The following ZNF195 variants were observed in gnomAD, a reference collection of about 807,000 sequenced individuals.
The protein encoded by ZNF195 is zinc finger protein 195, also known as hypoxia-regulated factor-1.
A neutral mutation model predicts 19.5 loss-of-function variants in ZNF195; 11 were observed. The observed-to-expected ratio is 0.57, with a 90% CI of 0.36 to 0.94. The LOEUF (loss-of-function observed/expected upper bound fraction) is 0.94. Among genes scored for constraint, ZNF195 ranks in the 40% least tolerant of loss-of-function variants. The pLI, the probability that ZNF195 is intolerant of heterozygous loss-of-function variation, is 0.01. For missense variants in ZNF195, 582 were observed against 709.0 expected (o/e 0.82, Z 2.03); for synonymous variants, 214 against 248.1 (o/e 0.86, Z 1.29).
chr11:3,366,468 T>C (rs1266662336), intron 3 of ZNF195, among the ~76,000 whole-genome samples: 1 of 151,352 alleles, frequency 6.6e-6, no homozygotes, highest in Non-Finnish European at 1.5e-5. Flanking sequence ...ATATTCAGAG[T>C]ATATAAGGAA....
rs367561121 is a variant in ZNF195, at chr11:3,378,682, T to C, written c.3+356A>G. ...CGCTCTTTGCTCAAATAAAACTCTTTCACATTTTTGCAAGGACTCCCTCGA... is the reference window on the plus strand; with the variant it reads ...CGCTCTTTGCTCAAATAAAACTCTTCCACATTTTTGCAAGGACTCCCTCGA... On this transcript the variant is annotated intron_variant, in intron 1 of 5. Coordinates refer to ENST00000399602, the MANE Select transcript of ZNF195 (RefSeq NM_001130520.3). 6.6e-5 allele frequency among the ~76,000 whole-genome samples: 10 copies of C among 152,212 alleles called. No individual in the cohort carries two copies. In the East Asian group the frequency reaches 7.7e-4, roughly 12 times the overall value.
chr11:3,369,622 A>C, intron 3 of ZNF195: 1 of 324,418 alleles, frequency 3.1e-6, no homozygotes, highest in Non-Finnish European at 6.6e-6. Context: ...CTGCTAAATA[A>C]ACTCAGCCAG....
chr11:3,378,966 C>A, intron 1 of ZNF195, 72 bp downstream of exon 1: 1 of 1,334,348 alleles, frequency 7.5e-7, no homozygotes, highest in Middle Eastern at 2.4e-4. Flanking sequence ...CAGCCCGGTT[C>A]CTCCCGAGCC....
At chr11:3,377,654 GC>G in intron 1 of ZNF195, 1 of 1,248,942 alleles carries the variant, frequency 8.0e-7, no homozygotes. Context: ...ATTTCTCTCA[GC>G]CCAGGGCATC....
rs757428990 is a variant in ZNF195, at chr11:3,359,122, G to C, written c.1886C>G (p.Thr629Ser). Residue 629 changes from threonine to serine, a missense_variant, in exon 6 of 6, where the codon ACT becomes AGT. Thr to Ser is a moderately conservative substitution (Grantham distance 58). Transcript: ENST00000399602. This position sits in a 1 kb window ranked among gnomAD's most constrained non-coding sequence, Gnocchi z 5.5. ...SHLTVHESIHT is the reference protein window; with the variant it reads ...SHLTVHESIHS ...TTATATTTGTTTATTTTTTTCTCAA[G>C]TATGAATGCTTTCATGTACAGTCAG... 1 of 1,546,386 alleles carries C rather than the reference G, an allele frequency of 6.5e-7. No homozygotes were observed. Among genetic ancestry groups the C allele is most frequent in the African/African-American group, 1.4e-5 (1 of 72,030 alleles).
At chr11:3,360,821 T>A in intron 4 of ZNF195, 33 bp from the exon 5 acceptor site, 1 of 1,548,064 alleles carries the variant, frequency 6.5e-7, no homozygotes, top group Non-Finnish European at 8.7e-7. Context: ...AACAGTCTGT[T>A]ACGTTTACCC....
At chr11:3,374,862 C>A (rs1849380393) in intron 1 of ZNF195, among the ~76,000 whole-genome samples, 1 of 152,186 alleles carries the variant, frequency 6.6e-6, no homozygotes, top group African/African-American at 2.4e-5. Context: ...CTATTAGACC[C>A]ACAGGACTGA....
chr11:3,378,935 G>C lies in ZNF195; in HGVS notation c.3+103C>G, dbSNP rs1849611555. ...GCAGCTGGAGGGGCCTCGGGTCCGC[G>C]GAGCCCGGAACCCACCCGGGCAGCC... is the stretch of plus-strand genomic sequence containing the variant. On this transcript the variant is annotated intron_variant, in intron 1 of 5. Transcript: ENST00000399602. The C allele has an allele frequency of 5.5e-6, 7 of 1,268,280 alleles. No individual in the cohort carries two copies. The South Asian group carries it at 1.6e-4, about 29-fold the overall frequency. 78.6% of individuals were successfully genotyped at this position (1,268,280 alleles called of 1,614,324 possible).
intron 1 of ZNF195, among the ~76,000 whole-genome samples, chr11:3,375,934 C>G (rs1849440335): frequency 6.6e-6 from 1 of 152,160 alleles, no homozygotes; most frequent in African/African-American, 2.4e-5. Flanking sequence ...TCCTGGTGAC[C>G]CTGCACAGAT....
intron 1 of ZNF195, among the ~76,000 whole-genome samples, chr11:3,372,148 G>A (rs1849243116): frequency 1.3e-5 from 2 of 152,120 alleles, no homozygotes; most frequent in South Asian, 4.1e-4. Context: ...TGGGCCCAAG[G>A]ACAATATTTT....
Position 3,360,402 on chromosome 11 carries a change from A to G in ZNF195, c.606T>C (p.Asn202=), listed in dbSNP as rs777143129. 11 of 1,612,554 alleles carry G rather than the reference A, an allele frequency of 6.8e-6. No homozygotes were observed. Among genetic ancestry groups the G allele is most frequent in the Admixed American group, 5.0e-5 (3 of 59,752 alleles). ...LDECKLQKDY[N]GLNQCSSTTH... is the part of the protein sequence containing the mutation. ...TAGTTGATGAACATTGGTTAAGTCC[A>G]TTATAATCTTTTTGCAACTTACACT... Residue 202 remains asparagine, a synonymous_variant, in exon 6 of 6, where the codon AAT becomes AAC. Coordinates refer to ENST00000399602, the MANE Select transcript of ZNF195 (RefSeq NM_001130520.3).
intron 3 of ZNF195, chr11:3,369,564 G>A: frequency 2.3e-6 from 1 of 432,622 alleles, no homozygotes; most frequent in Non-Finnish European, 4.7e-6. Flanking sequence ...CCATAAAAAA[G>A]GAATGAAATC....
intron 4 of ZNF195, among the ~76,000 whole-genome samples, chr11:3,361,413 C>G (rs1186338032): frequency 6.6e-6 from 1 of 151,952 alleles, no homozygotes; most frequent in African/African-American, 2.4e-5. Flanking sequence ...CATAAATTAA[C>G]TGAAGAAAAT....
intron 1 of ZNF195, 80 bp from the exon 2 acceptor site, chr11:3,371,783 A>G (rs866402006): frequency 1.4e-6 from 2 of 1,452,502 alleles, no homozygotes; most frequent in Middle Eastern, 3.6e-4. Flanking sequence ...TCTGACTTAC[A>G]CAAGTGACTG....
At chr11:3,361,626 C>G in intron 4 of ZNF195, 117 bp downstream of exon 4, 1 of 579,032 alleles carries the variant, frequency 1.7e-6, no homozygotes, top group South Asian at 2.1e-5. Flanking sequence ...AACACATCAA[C>G]TAGTATAAAC....
At chr11:3,362,525 G>C in intron 3 of ZNF195, 1 of 539,884 alleles carries the variant, frequency 1.9e-6, no homozygotes, top group Non-Finnish European at 3.3e-6. Flanking sequence ...CTAAAGTTAA[G>C]TATTTACCAG....
chr11:3,374,067 A>T (rs1849340379), intron 1 of ZNF195, among the ~76,000 whole-genome samples: 1 of 152,190 alleles, frequency 6.6e-6, no homozygotes, highest in African/African-American at 2.4e-5. Flanking sequence ...TGGTGCTTCC[A>T]CCCAAACCAA....
chr11:3,377,545 T>G (rs1849525869), intron 1 of ZNF195: 3 of 1,035,228 alleles, frequency 2.9e-6, no homozygotes, highest in African/African-American at 1.7e-5. Flanking sequence ...TGTGATTGGC[T>G]GATCAGCCAT....
At position 3,359,113 on chromosome 11, in the gene ZNF195, T is replaced by C. The variant is rs146782590; in HGVS notation, c.*5A>G. The C allele has an allele frequency of 5.3e-4, 820 of 1,533,934 alleles. 2 individuals carry two copies. In the African/African-American group the frequency reaches 9.8e-3, roughly 18 times the overall value. On this transcript the variant is annotated 3_prime_UTR_variant, in exon 6 of 6. Coordinates refer to ENST00000399602, the MANE Select transcript of ZNF195 (RefSeq NM_001130520.3). This position sits in a 1 kb window ranked among gnomAD's most constrained non-coding sequence, Gnocchi z 5.5. ...TGCCTATTTTTATATTTGTTTATTT[T>C]TTTCTCAAGTATGAATGCTTTCATG... is the stretch of plus-strand genomic sequence containing the variant.
Sources: gnomAD v4.1 joint callset for allele counts (sites outside exome capture counted in the v4.1 genomes callset) on GRCh38, gnomAD v4.1.1 for gene constraint, Gnocchi (gnomAD v3.1) non-coding constraint, MANE v1.5 for transcripts, NCBI Gene and HGNC (gene_info 2026-07-23, HGNC 2026-07-21) for gene names.